The following TET1 variants were observed in gnomAD, a reference collection of about 807,000 sequenced individuals.
TET1 encodes tet methylcytosine dioxygenase 1.
TET1 carries 13 observed loss-of-function variants against 148.7 expected under a neutral mutation model. That is an observed-to-expected ratio of 0.09 (90% CI 0.06 to 0.14). The LOEUF (loss-of-function observed/expected upper bound fraction) is 0.14, where lower values mean the gene tolerates loss of function less well. Among genes scored for constraint, TET1 ranks in the 10% least tolerant of loss-of-function variants. TET1 has a pLI of 1.00. For synonymous variants in TET1, 907 were observed against 937.2 expected, an observed-to-expected ratio of 0.97 and a Z score of 0.59; for missense variants, 2,182 against 2,553.8, an observed-to-expected ratio of 0.85 and a Z score of 3.14.
chr10:68,567,628 C>A (rs1182284433), intron 1 of TET1, among the ~76,000 whole-genome samples: 2 of 151,266 alleles, frequency 1.3e-5, no homozygotes, highest in African/African-American at 2.4e-5. Context: ...TTTAATTTTT[C>A]TCAGACATTG....
chr10:68,586,487 T>TTTTTG (rs1483496615), intron 2 of TET1, among the ~76,000 whole-genome samples: 6 of 148,924 alleles, frequency 4.0e-5, no homozygotes, highest in Non-Finnish European at 7.4e-5. Flanking sequence ...CAGCTAACGT[T>TTTTTG]TTTTTTTTTT....
chr10:68,692,076 C>G lies in TET1; in HGVS notation c.*262C>G. On this transcript the variant is annotated 3_prime_UTR_variant, in exon 12 of 12. Coordinates refer to ENST00000373644, the MANE Select transcript of TET1 (RefSeq NM_030625.3). Reference sequence around the variant, plus strand: ...AAGAAATGTTTCAGTTAGGCATTAACCTTGATAGAATCACTCAGTTTGGTG... The same window carrying G: ...AAGAAATGTTTCAGTTAGGCATTAAGCTTGATAGAATCACTCAGTTTGGTG... 2.3e-6 allele frequency: 1 copy of G among 426,838 alleles called. No individual in the cohort carries two copies. Among genetic ancestry groups the G allele is most frequent in the South Asian group, 4.6e-5 (1 of 21,648 alleles). The allele number at this position is 426,838 out of a possible 1,614,324, so 26.4% of individuals were successfully genotyped here.
At chr10:68,618,017 GCT>G (rs2132954690) in intron 3 of TET1, among the ~76,000 whole-genome samples, 1 of 151,792 alleles carries the variant, frequency 6.6e-6, no homozygotes, top group South Asian at 2.1e-4. Context: ...AACCTCCTGG[GCT>G]CAAGTGATCC....
At chr10:68,660,468 T>C (rs2055090911) in intron 6 of TET1, among the ~76,000 whole-genome samples, 1 of 151,366 alleles carries the variant, frequency 6.6e-6, no homozygotes, top group Non-Finnish European at 1.5e-5. Context: ...GCCTGCTAAG[T>C]ACCTGGGATT....
chr10:68,693,907 G>C lies in TET1; in HGVS notation c.*2093G>C, dbSNP rs557964281. ...GCATCCACTCATCTACTCATTCTTC[G>C]AGTCTACACTTATTGAATGCCTGCA... On this transcript the variant is annotated 3_prime_UTR_variant, in exon 12 of 12. Transcript: ENST00000373644. The C allele has an allele frequency of 8.9e-6, 2 of 224,950 alleles. No homozygotes were observed. Among genetic ancestry groups the C allele is most frequent in the Non-Finnish European group, 1.8e-5 (2 of 113,958 alleles). 13.9% of individuals were successfully genotyped at this position (224,950 alleles called of 1,614,324 possible). A position where few individuals can be genotyped will look rare whatever the true frequency, so the allele number is the denominator to read the frequency against.
Position 68,572,844 on chromosome 10 carries a change from TAG to T in TET1, c.510_511del (p.Glu170AspfsTer12), listed in dbSNP as rs2053686282. ...CAAGACACCCAAGTCCTTCCTGATA[TAG>T]AGACTCTAATTGGTGTACAAAATCC... On this transcript the variant is annotated frameshift_variant, in exon 2 of 12. Transcript: ENST00000373644. LOFTEE classifies it high-confidence loss of function. The T allele has an allele frequency of 6.2e-7, 1 of 1,614,122 alleles. No individual in the cohort carries two copies. Among genetic ancestry groups the T allele is most frequent in the Non-Finnish European group, 8.5e-7 (1 of 1,180,022 alleles).
At position 68,692,955 on chromosome 10, in the gene TET1, T is replaced by C. The variant is rs1003424180; in HGVS notation, c.*1141T>C. 5.6e-5 allele frequency: 13 copies of C among 231,280 alleles called. No homozygotes were observed. The highest frequency in any genetic ancestry group is 1.1e-4 in the Admixed American group (2 of 17,628). The allele number at this position is 231,280 out of a possible 1,614,324, so 14.3% of individuals were successfully genotyped here. On this transcript the variant is annotated 3_prime_UTR_variant, in exon 12 of 12. Transcript: ENST00000373644. Reference sequence around the variant, plus strand: ...ATACAGAATTAGAAAAAAAAAATTCTTGTTGAAATATTTTGAAAACAAATT... The same window carrying C: ...ATACAGAATTAGAAAAAAAAAATTCCTGTTGAAATATTTTGAAAACAAATT...
rs769101709 is a variant in TET1 at position 68,672,907 on chromosome 10, A to T, written c.4686A>T (p.Thr1562=). The change falls in exon 8 of 12, where the codon ACA becomes ACT. Residue 1562 remains threonine (T), a synonymous_variant. Transcript: ENST00000373644. ...RCTLNENRTC[T]CQGIDPETCG... ...TACAATCTTACAGTCGTACCTGTACATGTCAAGGAATTGATCCAGAGACTT... is the reference window on the plus strand; with the variant it reads ...TACAATCTTACAGTCGTACCTGTACTTGTCAAGGAATTGATCCAGAGACTT... The T allele has an allele frequency of 4.3e-6, 7 of 1,610,276 alleles. No homozygotes were observed. The South Asian group carries it at 7.7e-5, about 18-fold the overall frequency.
Position 68,694,179 on chromosome 10 carries a change from A to G in TET1, c.*2365A>G. On this transcript the variant is annotated 3_prime_UTR_variant, in exon 12 of 12. Coordinates refer to ENST00000373644, the MANE Select transcript of TET1 (RefSeq NM_030625.3). ...TTTGTGACGCTTGTTGCAGTTTACC[A>G]AAACAAGTATTTGAAAATATATAGT... is the stretch of plus-strand genomic sequence containing the variant. The G allele has an allele frequency of 4.3e-6, 1 of 232,744 alleles. No individual in the cohort carries two copies. The highest frequency in any genetic ancestry group is 8.5e-6 in the Non-Finnish European group (1 of 117,756). The allele number at this position is 232,744 out of a possible 1,614,324, so 14.4% of individuals were successfully genotyped here. A position where few individuals can be genotyped will look rare whatever the true frequency, so the allele number is the denominator to read the frequency against.
Position 68,680,520 on chromosome 10 carries a change from A to G in TET1, c.4825-879A>G, listed in dbSNP as rs115058631. On this transcript the variant is annotated intron_variant, in intron 8 of 11. Coordinates refer to ENST00000373644, the MANE Select transcript of TET1 (RefSeq NM_030625.3). ...CCGTCACGGCCAGCTAATTTTTTTTATTTCTTGGAGAGGTGTGGAGTTTCA... is the reference window on the plus strand; with the variant it reads ...CCGTCACGGCCAGCTAATTTTTTTTGTTTCTTGGAGAGGTGTGGAGTTTCA... Among the ~76,000 whole-genome samples the G allele has an allele frequency of 3.5e-3, 532 of 152,048 alleles. 5 individuals are homozygous for G. The highest frequency in any genetic ancestry group is 0.012 in the African/African-American group (505 of 41,470).
intron 2 of TET1, among the ~76,000 whole-genome samples, chr10:68,591,528 T>C (rs1181109318): frequency 1.3e-5 from 2 of 152,196 alleles, no homozygotes; most frequent in African/African-American, 4.8e-5. Context: ...TCTCCATAGA[T>C]TGTGTGAGAC....
intron 3 of TET1, among the ~76,000 whole-genome samples, chr10:68,621,265 G>A (rs1177670373): frequency 6.6e-6 from 1 of 151,214 alleles, no homozygotes; most frequent in Admixed American, 6.6e-5. Context: ...GTTTTGAGAC[G>A]GAGTTTCACT....
intron 8 of TET1, among the ~76,000 whole-genome samples, chr10:68,680,296 T>C (rs959052362): frequency 1.3e-5 from 2 of 152,224 alleles, no homozygotes; most frequent in African/African-American, 4.8e-5. Flanking sequence ...CACATGAGCA[T>C]ATGAGGCGAA....
At chr10:68,611,573 G>C (rs1375364582) in intron 3 of TET1, among the ~76,000 whole-genome samples, 4 of 152,078 alleles carry the variant, frequency 2.6e-5, no homozygotes, top group African/African-American at 9.7e-5. Context: ...GATCATTTGA[G>C]CTTGGGAGTT....
At chr10:68,626,970 A>G (rs2054492531) in intron 3 of TET1, among the ~76,000 whole-genome samples, 1 of 152,214 alleles carries the variant, frequency 6.6e-6, no homozygotes, top group Admixed American at 6.5e-5. Flanking sequence ...ACAGTTAAGA[A>G]TTATTAGAAA....
intron 3 of TET1, among the ~76,000 whole-genome samples, chr10:68,621,305 T>G (rs937028144): frequency 6.6e-5 from 10 of 152,256 alleles, no homozygotes; most frequent in African/African-American, 1.7e-4. Context: ...TTCAGTGGCG[T>G]GATCTCGGCT....
intron 4 of TET1, among the ~76,000 whole-genome samples, chr10:68,649,584 T>A (rs2054901358): frequency 7.2e-6 from 1 of 138,686 alleles, no homozygotes; most frequent in Non-Finnish European, 1.5e-5. Context: ...CCAGCCTGGA[T>A]GACACAGCGA....
chr10:68,645,326 A>G lies in TET1; in HGVS notation c.2597A>G (p.Glu866Gly), dbSNP rs777556549. Residue 866 changes from glutamate (E) to glycine (G), a missense_variant, in exon 4 of 12, where the codon GAA becomes GGA. Transcript: ENST00000373644. ...PKTPENIPSK[E>G]PKDGSPVQPS... is the part of the protein sequence containing the mutation. ...ACTCCTGAGAATATACCAAGTAAAG[A>G]ACCAAAAGATGGATCTCCCGTTCAA... 1.9e-6 allele frequency: 3 copies of G among 1,614,160 alleles called. No homozygotes were observed. Among genetic ancestry groups the G allele is most frequent in the Admixed American group, 1.7e-5 (1 of 60,028 alleles).
At chr10:68,616,832 C>A (rs548262391) in intron 3 of TET1, among the ~76,000 whole-genome samples, 66 of 150,594 alleles carry the variant, frequency 4.4e-4, no homozygotes, top group African/African-American at 1.6e-3. Context: ...CTCAGCCTCC[C>A]GAGCAGCTGG....
Sources: gnomAD v4.1 joint callset for allele counts (sites outside exome capture counted in the v4.1 genomes callset) on GRCh38, gnomAD v4.1.1 for gene constraint, MANE v1.5 for transcripts, NCBI Gene and HGNC (gene_info 2026-07-23, HGNC 2026-07-21) for gene names.